Variants in STK33 observed in about 807,000 individuals in gnomAD.
STK33 encodes the protein serine/threonine-protein kinase 33.
A neutral mutation model predicts 58.0 loss-of-function variants in STK33; 52 were observed. The observed-to-expected ratio is 0.90, with a 90% CI of 0.72 to 1.13. STK33 has a LOEUF of 1.13. Ranked by LOEUF, STK33 falls within the 50% of genes most tolerant of loss-of-function variation. The pLI is 0.00. For synonymous variants in STK33, 215 were observed against 200.1 expected (o/e 1.07, Z -0.63); for missense variants, 630 against 604.2 (o/e 1.04, Z -0.45).
At chr11:8,438,815 T>C (rs1406679994) in intron 12 of STK33, among the ~76,000 whole-genome samples, 1 of 152,186 alleles carries the variant, frequency 6.6e-6, no homozygotes, top group Non-Finnish European at 1.5e-5. Flanking sequence ...AAAAGTTATA[T>C]TTGAATTAAA....
In STK33 at chr11:8,398,481, C is replaced by A. The variant is rs536771693; in HGVS notation, c.1345-5771G>T. 1.8e-3 allele frequency among the ~76,000 whole-genome samples: 274 copies of A among 152,274 alleles called. 1 individual carries two copies. The highest frequency in any genetic ancestry group is 6.4e-3 in the African/African-American group (266 of 41,544). On this transcript the variant is annotated intron_variant, in intron 15 of 15. Coordinates refer to ENST00000687296, the MANE Select transcript of STK33 (RefSeq NM_001352389.2). ...AGGAAGCACTAAACATGGAAAGGAA[C>A]AAAAGGTTCCAGCCAATGCAAAAAC...
At position 8,466,647 on chromosome 11, in the gene STK33, T is replaced by A. The variant is rs1310373542; in HGVS notation, c.340-1825A>T. 9 of 152,296 alleles carry A rather than the reference T, an allele frequency of 5.9e-5. 1 individual carries two copies. In the South Asian group the frequency reaches 1.7e-3, roughly 28 times the overall value. The allele number at this position is 152,296 out of a possible 1,614,324, so 9.4% of individuals were successfully genotyped here. The stretch of plus-strand genomic sequence containing the variant: ...GTGCATGGTGCAAGCTGTCGGTGGA[T>A]CTACTATTCTAGGGTCTGGAGAATG... On this transcript the variant is annotated intron_variant, in intron 6 of 15. Coordinates refer to ENST00000687296, the MANE Select transcript of STK33 (RefSeq NM_001352389.2).
At chr11:8,527,335 C>T (rs189664747) in intron 1 of STK33, among the ~76,000 whole-genome samples, 105 of 152,240 alleles carry the variant, frequency 6.9e-4, no homozygotes, top group Non-Finnish European at 1.1e-3. Flanking sequence ...TGAGGCAGGG[C>T]TTCTGGCATG....
chr11:8,463,445 T>C (rs1431754973), intron 7 of STK33, among the ~76,000 whole-genome samples: 1 of 152,196 alleles, frequency 6.6e-6, no homozygotes, highest in Admixed American at 6.5e-5. Flanking sequence ...ACTCGCCTGC[T>C]GCTCATCTCC....
At chr11:8,475,118 T>C (rs778655157) in intron 4 of STK33, 52 bp from the exon 5 acceptor site, 4 of 435,088 alleles carry the variant, frequency 9.2e-6, no homozygotes, top group Non-Finnish European at 1.6e-5. Flanking sequence ...CCTATTACCA[T>C]CCTGGAAATC....
chr11:8,579,308 T>C (rs1958400329), intron 1 of STK33, among the ~76,000 whole-genome samples: 1 of 151,954 alleles, frequency 6.6e-6, no homozygotes, highest in South Asian at 2.1e-4. Flanking sequence ...ATCTACAGAG[T>C]CTCTACCACA....
chr11:8,357,614 G>A, the STK33 span, among the ~76,000 whole-genome samples: 181 of 152,306 alleles, frequency 1.2e-3, 2 homozygotes, highest in Non-Finnish European at 3.2e-4. Context: ...AACCGCGGGA[G>A]GGGCAGGAGC....
intron 15 of STK33, among the ~76,000 whole-genome samples, chr11:8,393,177 G>C (rs1051276278): frequency 6.6e-6 from 1 of 152,168 alleles, no homozygotes; most frequent in Non-Finnish European, 1.5e-5. Context: ...CCAGAGACTG[G>C]CTTCTAATCC....
At chr11:8,349,326 C>T in the STK33 span, among the ~76,000 whole-genome samples, 1 of 152,144 alleles carries the variant, frequency 6.6e-6, no homozygotes, top group Non-Finnish European at 1.5e-5. Flanking sequence ...CATTTTTTCC[C>T]TTCCTGGAGA....
intron 1 of STK33, among the ~76,000 whole-genome samples, chr11:8,569,332 T>C (rs1355629375): frequency 6.6e-6 from 1 of 152,216 alleles, no homozygotes; most frequent in Non-Finnish European, 1.5e-5. Context: ...AACTGATTTT[T>C]GACAAGGCTG....
intron 1 of STK33, among the ~76,000 whole-genome samples, chr11:8,569,558 G>T (rs1384320981): frequency 1.3e-5 from 2 of 152,160 alleles, no homozygotes; most frequent in African/African-American, 4.8e-5. Flanking sequence ...GTAAGTTAAA[G>T]ATTTCTTAGA....
intron 1 of STK33, among the ~76,000 whole-genome samples, chr11:8,481,959 G>T (rs999836789): frequency 6.6e-6 from 1 of 152,102 alleles, no homozygotes; most frequent in Non-Finnish European, 1.5e-5. Flanking sequence ...TGCAGACAGA[G>T]TAACTAACAA....
At chr11:8,450,173 T>C (rs1946097941) in intron 11 of STK33, among the ~76,000 whole-genome samples, 1 of 152,086 alleles carries the variant, frequency 6.6e-6, no homozygotes, top group African/African-American at 2.4e-5. Flanking sequence ...CCATCAATGA[T>C]AGACTGGATA....
At chr11:8,338,934 TG>T in the STK33 span, among the ~76,000 whole-genome samples, 1 of 152,202 alleles carries the variant, frequency 6.6e-6, no homozygotes, top group Non-Finnish European at 1.5e-5. Flanking sequence ...ACCGACTGAC[TG>T]ACTGACTGAA....
chr11:8,420,554 AAAC>A (rs1444129125), intron 14 of STK33, among the ~76,000 whole-genome samples: 2 of 152,254 alleles, frequency 1.3e-5, no homozygotes, highest in Non-Finnish European at 2.9e-5. Context: ...ACTAGAAAAC[AAAC>A]AATAACTTGC....
chr11:8,388,990 C>T (rs1848581678), downstream of STK33, among the ~76,000 whole-genome samples: 1 of 147,120 alleles, frequency 6.8e-6, no homozygotes, highest in Admixed American at 6.8e-5. Context: ...GACTGGCAGC[C>T]AGAGACAAAA....
chr11:8,458,701 G>A (rs1358484338), intron 8 of STK33, among the ~76,000 whole-genome samples: 1 of 152,002 alleles, frequency 6.6e-6, no homozygotes, highest in Admixed American at 6.5e-5. Context: ...CATCTATTGA[G>A]TCAAAAAAGA....
intron 6 of STK33, among the ~76,000 whole-genome samples, chr11:8,471,366 T>TAAGA (rs1948761435): frequency 6.6e-6 from 1 of 152,212 alleles, no homozygotes; most frequent in African/African-American, 2.4e-5. Flanking sequence ...AACAGTTTCT[T>TAAGA]ATTTCTAATA....
Position 8,436,145 on chromosome 11 carries a change from A to G in STK33, c.948-6T>C. ...AGGGTGGTTCTCCACGTAATCTGCAACAAAGGCAATCACTTTGTTTAAATT... is the reference window on the plus strand; with the variant it reads ...AGGGTGGTTCTCCACGTAATCTGCAGCAAAGGCAATCACTTTGTTTAAATT... On this transcript the variant is annotated splice_polypyrimidine_tract_variant and splice_region_variant and intron_variant, in intron 12 of 15. Transcript: ENST00000687296. The G allele has an allele frequency of 6.6e-7, 1 of 1,516,468 alleles. No individual in the cohort carries two copies. The highest frequency in any genetic ancestry group is 8.9e-7 in the Non-Finnish European group (1 of 1,123,068). The allele number at this position is 1,516,468 out of a possible 1,614,324, so 93.9% of individuals were successfully genotyped here. A position where few individuals can be genotyped will look rare whatever the true frequency, so the allele number is the denominator to read the frequency against.
Sources: gnomAD v4.1 joint callset for allele counts (sites outside exome capture counted in the v4.1 genomes callset) on GRCh38, gnomAD v4.1.1 for gene constraint, MANE v1.5 for transcripts, NCBI Gene and HGNC (gene_info 2026-07-23, HGNC 2026-07-21) for gene names.